Variants in MYO5C observed in about 807,000 individuals in gnomAD.
MYO5C encodes myosin VC, also known as unconventional myosin-Vc.
Under a neutral mutation model 235.7 loss-of-function variants are expected in MYO5C, and 194 were observed. That is an observed-to-expected ratio of 0.82 (90% CI 0.73 to 0.93). The LOEUF is 0.93. Among genes scored for constraint, MYO5C ranks in the 40% least tolerant of loss-of-function variants. The pLI is 0.00. For missense variants in MYO5C, 2,038 were observed against 2,127.2 expected, an observed-to-expected ratio of 0.96 and a Z score of 0.82; for synonymous variants, 707 against 754.8, an observed-to-expected ratio of 0.94 and a Z score of 1.04.
chr15:52,271,008 A>G (rs1018746741), intron 7 of MYO5C, among the ~76,000 whole-genome samples: 5 of 152,140 alleles, frequency 3.3e-5, no homozygotes, highest in African/African-American at 1.2e-4. Flanking sequence ...AAACAGCCCT[A>G]TGTTTTAGCC....
At chr15:52,270,262 A>T (rs1049844927) in intron 7 of MYO5C, among the ~76,000 whole-genome samples, 2 of 152,164 alleles carry the variant, frequency 1.3e-5, no homozygotes, top group Non-Finnish European at 2.9e-5. Flanking sequence ...AGCCTCAGTG[A>T]CCCTGTCTCA....
chr15:52,247,746 G>A (rs887860481), intron 14 of MYO5C, among the ~76,000 whole-genome samples, 154 bp from the exon 15 acceptor site: 3 of 152,136 alleles, frequency 2.0e-5, no homozygotes, highest in Non-Finnish European at 4.4e-5. Flanking sequence ...TCCACAAGAC[G>A]ATCGTCTTTC....
At chr15:52,223,009 CGTG>C (rs2035731622) in intron 29 of MYO5C, among the ~76,000 whole-genome samples, 1 of 151,896 alleles carries the variant, frequency 6.6e-6, no homozygotes, top group Admixed American at 6.6e-5. Flanking sequence ...ATTAGCTGAC[CGTG>C]ATGGTGGGCG....
At chr15:52,230,791 G>A (rs1284243388) in intron 24 of MYO5C, among the ~76,000 whole-genome samples, 2 of 149,094 alleles carry the variant, frequency 1.3e-5, no homozygotes, top group African/African-American at 5.0e-5. Flanking sequence ...CCAGTAAAAT[G>A]CCTTTGAAAA....
At position 52,219,832 on chromosome 15, in the gene MYO5C, G is replaced by A; in HGVS notation, c.3722-10C>T. On this transcript the variant is annotated splice_polypyrimidine_tract_variant and intron_variant, in intron 30 of 40. Coordinates refer to ENST00000261839, the MANE Select transcript of MYO5C (RefSeq NM_018728.4). Reference sequence around the variant, plus strand: ...AATTCTTCTAGTTTTCCTATAATGAGAAGAACTGTCAGTACTTTGGGGGGG... The same window carrying A: ...AATTCTTCTAGTTTTCCTATAATGAAAAGAACTGTCAGTACTTTGGGGGGG... 1 of 1,606,454 alleles carries A rather than the reference G, an allele frequency of 6.2e-7. No individual in the cohort carries two copies. Among genetic ancestry groups the A allele is most frequent in the Non-Finnish European group, 8.5e-7 (1 of 1,174,426 alleles).
chr15:52,275,678 C>T lies in MYO5C; in HGVS notation c.490G>A (p.Gly164Ser). ...CGAGCCGACACTGTCTTTCCAGCAC[C>T]TGACTCCCCACTTACAATTATGGAC... Reference protein sequence around the residue: ...NQSIIVSGESGAGKTVSARYA... With the variant: ...NQSIIVSGESSAGKTVSARYA... Residue 164 changes from glycine (G) to serine (S), a missense_variant, in exon 5 of 41, where the codon GGT (glycine) becomes AGT (serine). Coordinates refer to ENST00000261839, the MANE Select transcript of MYO5C (RefSeq NM_018728.4). 1 of 1,614,222 alleles carries T rather than the reference C, an allele frequency of 6.2e-7. No individual in the cohort carries two copies. The highest frequency in any genetic ancestry group is 8.5e-7 in the Non-Finnish European group (1 of 1,180,034).
intron 5 of MYO5C, among the ~76,000 whole-genome samples, chr15:52,274,845 G>A (rs550322138): frequency 9.2e-5 from 14 of 152,300 alleles, no homozygotes; most frequent in Non-Finnish European, 1.5e-4. Context: ...TTTGATTTGA[G>A]AAAACAGGGA....
intron 1 of MYO5C, among the ~76,000 whole-genome samples, chr15:52,291,799 C>T (rs1474207326): frequency 4.1e-5 from 5 of 121,804 alleles, no homozygotes; most frequent in Non-Finnish European, 6.4e-5. Context: ...AGTGCAGCGG[C>T]GCGATCTCGG....
At position 52,211,107 on chromosome 15, in the gene MYO5C, G is replaced by T. The variant is rs546635693; in HGVS notation, c.4296+623C>A. Reference sequence around the variant, plus strand: ...CTTAGGGAATGGCCAACAGCAAGTTGGAAGGAACCTGGGTCCCTTCATGAT... The same window carrying T: ...CTTAGGGAATGGCCAACAGCAAGTTTGAAGGAACCTGGGTCCCTTCATGAT... On this transcript the variant is annotated intron_variant, in intron 35 of 40. Transcript: ENST00000261839. 7.2e-5 allele frequency among the ~76,000 whole-genome samples: 11 copies of T among 152,264 alleles called. 1 individual carries two copies. In the Middle Eastern group the frequency reaches 0.02, roughly 282 times the overall value.
At chr15:52,273,963 C>T (rs1266365277) in intron 5 of MYO5C, among the ~76,000 whole-genome samples, 1 of 152,072 alleles carries the variant, frequency 6.6e-6, no homozygotes, top group African/African-American at 2.4e-5. Flanking sequence ...CCTTTCCACT[C>T]AACCAAAAAA....
At chr15:52,248,993 C>G (rs2036413735) in intron 13 of MYO5C, among the ~76,000 whole-genome samples, 1 of 152,200 alleles carries the variant, frequency 6.6e-6, no homozygotes, top group Non-Finnish European at 1.5e-5. Flanking sequence ...GGTTTCTCAC[C>G]TGCCTGCTGA....
intron 1 of MYO5C, among the ~76,000 whole-genome samples, chr15:52,288,265 G>A (rs542093271): frequency 8.5e-5 from 13 of 152,322 alleles, no homozygotes; most frequent in African/African-American, 2.6e-4. Context: ...TTAGTTAAGC[G>A]AATCTGGCCC....
chr15:52,264,104 T>C (rs2140831532), intron 9 of MYO5C, 86 bp downstream of exon 9: 1 of 990,544 alleles, frequency 1.0e-6, no homozygotes, highest in Non-Finnish European at 1.5e-6. Context: ...CTATATCTGG[T>C]GCTAAAAAGC....
At chr15:52,225,681 A>C in intron 25 of MYO5C, 149 bp from the exon 26 acceptor site, 1 of 621,448 alleles carries the variant, frequency 1.6e-6, no homozygotes. Context: ...TTAAACCATC[A>C]CTGCCTACAC....
At chr15:52,218,820 T>C in intron 31 of MYO5C, 133 bp from the exon 32 acceptor site, 1 of 849,746 alleles carries the variant, frequency 1.2e-6, no homozygotes, top group East Asian at 2.6e-5. Context: ...GCAAATAGTA[T>C]TCGAATAGGG....
rs148529987 is a variant in MYO5C, at chr15:52,215,032, G to T, written c.3955-342C>A. ...AATAAATTCATAGAATAGGTTTTTTGTGTGTGTGTCTGGCTTCTTTCACTT... is the reference window on the plus strand; with the variant it reads ...AATAAATTCATAGAATAGGTTTTTTTTGTGTGTGTCTGGCTTCTTTCACTT... On this transcript the variant is annotated intron_variant, in intron 32 of 40. Transcript: ENST00000261839. 2.6e-3 allele frequency among the ~76,000 whole-genome samples: 401 copies of T among 152,210 alleles called. 4 individuals carry two copies. Among genetic ancestry groups the T allele is most frequent in the African/African-American group, 9.0e-3 (373 of 41,522 alleles).
chr15:52,245,306 T>A (rs2036312716), intron 18 of MYO5C, 48 bp downstream of exon 18: 1 of 1,207,756 alleles, frequency 8.3e-7, no homozygotes, highest in Non-Finnish European at 1.2e-6. Context: ...GTTTGGGAGA[T>A]GTGCTTCCAG....
At chr15:52,227,620 A>G (rs1037901402) in intron 25 of MYO5C, among the ~76,000 whole-genome samples, 1 of 152,208 alleles carries the variant, frequency 6.6e-6, no homozygotes, top group African/African-American at 2.4e-5. Context: ...TTTAAGATAC[A>G]GACCTCAGAC....
Position 52,219,755 on chromosome 15 carries a change from T to G in MYO5C, c.3785+4A>C. The G allele has an allele frequency of 3.7e-6, 6 of 1,607,536 alleles. No individual in the cohort carries two copies. Among genetic ancestry groups the G allele is most frequent in the Non-Finnish European group, 5.1e-6 (6 of 1,174,718 alleles). ...ACTTGAGGTACACACATATTTACAC[T>G]TACTTTCTTTGTGTTCCTTCCTCCT... On this transcript the variant is annotated splice_donor_region_variant and intron_variant, in intron 31 of 40. Transcript: ENST00000261839.
Sources: gnomAD v4.1 joint callset for allele counts (sites outside exome capture counted in the v4.1 genomes callset) on GRCh38, gnomAD v4.1.1 for gene constraint, MANE v1.5 for transcripts, NCBI Gene and HGNC (gene_info 2026-07-23, HGNC 2026-07-21) for gene names.